The following RNF125 variants were observed in gnomAD, a reference collection of about 807,000 sequenced individuals.
RNF125 encodes ring finger protein 125.
Under a neutral mutation model 26.0 loss-of-function variants are expected in RNF125, and 21 were observed. The ratio of observed to expected loss-of-function variants is 0.81; its 90% confidence interval spans 0.57 to 1.16. The LOEUF is 1.16. Ranked by LOEUF, RNF125 falls within the 50% of genes most tolerant of loss-of-function variation. The pLI is 0.00. For synonymous variants in RNF125, 95 were observed against 109.2 expected (o/e 0.87, Z 0.81); for missense variants, 270 against 299.4 (o/e 0.90, Z 0.72).
At chr18:32,052,492 C>CAAAAAAA (rs11305889) in intron 4 of RNF125, among the ~76,000 whole-genome samples, 1 of 124,804 alleles carries the variant, frequency 8.0e-6, no homozygotes. Flanking sequence ...GACTCCATCT[C>CAAAAAAA]AAAAAAAAAA....
intron 4 of RNF125, among the ~76,000 whole-genome samples, chr18:32,046,214 CAAAAAAAAAAAAA>C (rs768054716): frequency 1.3e-5 from 1 of 76,176 alleles, no homozygotes; most frequent in Non-Finnish European, 2.3e-5. Flanking sequence ...AAGACTGTCT[CAAAAAAAAAAAAA>C]AAAAAAAAAA....
chr18:32,059,681 A>T (rs1407632001), intron 4 of RNF125, among the ~76,000 whole-genome samples: 1 of 152,154 alleles, frequency 6.6e-6, no homozygotes. Flanking sequence ...ATTATTCCAG[A>T]AATCTTTGCC....
chr18:32,076,742 C>T (rs758634117), downstream of RNF125, among the ~76,000 whole-genome samples: 2 of 152,196 alleles, frequency 1.3e-5, no homozygotes, highest in Non-Finnish European at 2.9e-5. Flanking sequence ...ACTTCGGCCA[C>T]ACTGTTAGGT....
At chr18:32,065,081 T>G (rs2144515228) in intron 4 of RNF125, among the ~76,000 whole-genome samples, 1 of 152,346 alleles carries the variant, frequency 6.6e-6, no homozygotes, top group South Asian at 2.1e-4. Flanking sequence ...GAGCAAGAAA[T>G]GCATATGAAG....
chr18:32,063,398 C>G (rs1303755479), intron 4 of RNF125, among the ~76,000 whole-genome samples: 1 of 151,644 alleles, frequency 6.6e-6, no homozygotes, highest in Non-Finnish European at 1.5e-5. Context: ...CAAAATGGCT[C>G]AAATAAAAAA....
the RNF125 span, among the ~76,000 whole-genome samples, chr18:32,085,377 G>C: frequency 3.4e-3 from 66 of 19,398 alleles, 1 homozygote; most frequent in African/African-American, 7.7e-3. Context: ...CAGAAGCAGA[G>C]AGAGAGAGAG....
At chr18:32,057,330 T>G (rs1033101855) in intron 4 of RNF125, among the ~76,000 whole-genome samples, 15 of 150,436 alleles carry the variant, frequency 1.0e-4, no homozygotes, top group Middle Eastern at 3.5e-3. Context: ...GAACCCCAAA[T>G]GACTTTTTTT....
At chr18:32,054,112 A>G (rs1269306253) in intron 4 of RNF125, among the ~76,000 whole-genome samples, 2 of 69,940 alleles carry the variant, frequency 2.9e-5, no homozygotes, top group East Asian at 7.3e-4. Context: ...TTTTTTTTTG[A>G]GACAGAGTTT....
In RNF125 at chr18:32,068,725, A is replaced by G. The variant is rs767609881; in HGVS notation, c.*341A>G. 5.5e-5 allele frequency: 10 copies of G among 183,106 alleles called. No individual in the cohort carries two copies. Among genetic ancestry groups the G allele is most frequent in the African/African-American group, 7.1e-5 (3 of 42,212 alleles). 11.3% of individuals were successfully genotyped at this position (183,106 alleles called of 1,614,324 possible). A position where few individuals can be genotyped will look rare whatever the true frequency, so the allele number is the denominator to read the frequency against. ...ATAATGCTACATATCAATAACTACC[A>G]TCATGGTTAGGCACGATAACTAATC... is the stretch of plus-strand genomic sequence containing the variant. On this transcript the variant is annotated 3_prime_UTR_variant, in exon 6 of 6. Coordinates refer to ENST00000217740, the MANE Select transcript of RNF125 (RefSeq NM_017831.4).
chr18:32,055,131 T>G (rs370445944), intron 4 of RNF125, among the ~76,000 whole-genome samples: 1 of 151,502 alleles, frequency 6.6e-6, no homozygotes, highest in South Asian at 2.1e-4. Flanking sequence ...ACCCTGTCTC[T>G]ACAACAACAA....
chr18:32,028,003 A>T (rs2039053499), intron 1 of RNF125, among the ~76,000 whole-genome samples: 1 of 151,880 alleles, frequency 6.6e-6, no homozygotes, highest in Non-Finnish European at 1.5e-5. Context: ...TCTCAGAAAG[A>T]ATGGGCAGTA....
Position 32,068,506 on chromosome 18 carries a change from G to A in RNF125, c.*122G>A. ...AAATGTACAACACAGTTATGTGTTT[G>A]TCCATGTTTATTGTTATAGTGCATT... On this transcript the variant is annotated 3_prime_UTR_variant, in exon 6 of 6. Coordinates refer to ENST00000217740, the MANE Select transcript of RNF125 (RefSeq NM_017831.4). 1.6e-6 allele frequency: 1 copy of A among 638,232 alleles called. No homozygotes were observed. Among genetic ancestry groups the A allele is most frequent in the South Asian group, 1.9e-5 (1 of 53,948 alleles). 39.5% of individuals were successfully genotyped at this position (638,232 alleles called of 1,614,324 possible). A position where few individuals can be genotyped will look rare whatever the true frequency, so the allele number is the denominator to read the frequency against.
intron 4 of RNF125, 23 bp from the exon 5 acceptor site, chr18:32,065,879 C>T (rs770599857): frequency 6.7e-7 from 1 of 1,485,172 alleles, no homozygotes; most frequent in South Asian, 1.1e-5. Context: ...CTTTCTTGAA[C>T]CCCTGGTCTT....
At chr18:32,020,035 T>TTGA (rs1555690587) in intron 1 of RNF125, among the ~76,000 whole-genome samples, 6 of 142,166 alleles carry the variant, frequency 4.2e-5, no homozygotes, top group African/African-American at 7.8e-5. Flanking sequence ...TGTGTGTGTT[T>TTGA]GAGAGAGAGA....
chr18:32,051,950 A>C lies in RNF125; in HGVS notation c.504+6218A>C, dbSNP rs529343078. 1.1e-4 allele frequency among the ~76,000 whole-genome samples: 16 copies of C among 151,510 alleles called. No individual in the cohort carries two copies. The East Asian group carries it at 3.0e-3, about 29-fold the overall frequency. ...TGATCTGCCCGCCTCAGCCTCCCAG[A>C]GTGCTGGGATTACAGGCGTGAGCCA... On this transcript the variant is annotated intron_variant, in intron 4 of 5. Transcript: ENST00000217740.
At chr18:32,044,349 G>A (rs961053530) in intron 3 of RNF125, among the ~76,000 whole-genome samples, 2 of 152,062 alleles carry the variant, frequency 1.3e-5, no homozygotes, top group Non-Finnish European at 2.9e-5. Flanking sequence ...TTTTCTAGTA[G>A]CGACATTTAA....
rs375309305 is a variant in RNF125 at position 32,040,013 on chromosome 18, A to G, written c.319-2166A>G. On this transcript the variant is annotated intron_variant, in intron 2 of 5. Transcript: ENST00000217740. ...AGGCTGGTCTTGAACTTCTGACCAC[A>G]GGTGATCTGTCCACCTCGGCCTCCC... 8.2e-4 allele frequency among the ~76,000 whole-genome samples: 125 copies of G among 152,154 alleles called. 5 individuals are homozygous for G. In the South Asian group the frequency reaches 0.025, roughly 30 times the overall value.
At chr18:32,040,057 G>A (rs1347498973) in intron 2 of RNF125, among the ~76,000 whole-genome samples, 1 of 151,978 alleles carries the variant, frequency 6.6e-6, no homozygotes, top group Non-Finnish European at 1.5e-5. Flanking sequence ...AGGATTACAA[G>A]TATGAGCCAC....
At chr18:32,074,047 CAG>C (rs1178344236), downstream of RNF125, among the ~76,000 whole-genome samples, 1 of 152,178 alleles carries the variant, frequency 6.6e-6, no homozygotes, top group African/African-American at 2.4e-5. Context: ...AGGAGAATCA[CAG>C]GGAGTAGTAT....
Sources: gnomAD v4.1 joint callset for allele counts (sites outside exome capture counted in the v4.1 genomes callset) on GRCh38, gnomAD v4.1.1 for gene constraint, MANE v1.5 for transcripts, NCBI Gene and HGNC (gene_info 2026-07-23, HGNC 2026-07-21) for gene names.